Variants in TEAD1 observed in about 807,000 individuals in gnomAD.
TEAD1 encodes the protein TEA domain transcription factor 1, also known as transcriptional enhancer factor TEF-1.
A neutral mutation model predicts 54.9 loss-of-function variants in TEAD1; 9 were observed. That is an observed-to-expected ratio of 0.16 (90% confidence interval 0.10 to 0.29). TEAD1 has a LOEUF of 0.29. Ranked by LOEUF, TEAD1 falls within the 10% of genes least tolerant of loss-of-function variation. The probability of loss-of-function intolerance (pLI) is 1.00; values close to 1 mark genes in which losing one functional copy is unlikely to be tolerated. For missense variants in TEAD1, 387 were observed against 535.9 expected (o/e 0.72, Z 2.74); for synonymous variants, 200 against 187.8 (o/e 1.07, Z -0.53).
chr11:12,756,490 A>G (rs1944985615), intron 2 of TEAD1, among the ~76,000 whole-genome samples: 1 of 152,242 alleles, frequency 6.6e-6, no homozygotes, highest in African/African-American at 2.4e-5. Flanking sequence ...GTAGGAAAAT[A>G]ATAACACAAC....
intron 5 of TEAD1, among the ~76,000 whole-genome samples, chr11:12,871,134 A>G (rs1430886842): frequency 6.6e-6 from 1 of 152,204 alleles, no homozygotes; most frequent in East Asian, 1.9e-4. Flanking sequence ...TGCAGTGTGA[A>G]AGAGGCTTCT....
intron 2 of TEAD1, among the ~76,000 whole-genome samples, chr11:12,695,824 T>C (rs1943568877): frequency 6.6e-6 from 1 of 152,162 alleles, no homozygotes; most frequent in African/African-American, 2.4e-5. Context: ...TTGAGTTCTG[T>C]TTGTGTGTTG....
intron 3 of TEAD1, among the ~76,000 whole-genome samples, chr11:12,843,456 T>C (rs1352219851): frequency 2.6e-5 from 4 of 152,250 alleles, no homozygotes; most frequent in Non-Finnish European, 5.9e-5. Context: ...TATAGTCAGC[T>C]ACGAAGTAAG....
intron 4 of TEAD1, among the ~76,000 whole-genome samples, chr11:12,863,682 C>A (rs575808086): frequency 1.3e-5 from 2 of 152,210 alleles, no homozygotes; most frequent in African/African-American, 4.8e-5. Context: ...ATCTAATCAT[C>A]TACATTCTGA....
In TEAD1 at chr11:12,942,754, GTTC is replaced by G. The variant is rs1214898960; in HGVS notation, c.*5538_*5540del. 6.6e-6 allele frequency: 1 copy of G among 152,172 alleles called. No individual in the cohort carries two copies. The highest frequency in any genetic ancestry group is 6.5e-5 in the Admixed American group (1 of 15,274). The allele number at this position is 152,172 out of a possible 1,614,324, so 9.4% of individuals were successfully genotyped here. On this transcript the variant is annotated 3_prime_UTR_variant, in exon 13 of 13. Coordinates refer to ENST00000527636, the MANE Select transcript of TEAD1 (RefSeq NM_021961.6). ...GAGTTAGGGTCGTTAAAATTGAAGT[GTTC>G]TTCTTAGGGCAAACATGTTGACTCC...
At chr11:12,809,333 T>C (rs1371133904) in intron 3 of TEAD1, among the ~76,000 whole-genome samples, 1 of 152,152 alleles carries the variant, frequency 6.6e-6, no homozygotes, top group Non-Finnish European at 1.5e-5. Context: ...TTATTTCCAC[T>C]CTGCATGGAG....
At chr11:12,865,682 A>G (rs1947602309) in intron 5 of TEAD1, 1 of 152,136 alleles carries the variant, frequency 6.6e-6, no homozygotes, top group African/African-American at 2.4e-5. Flanking sequence ...GGCATTGATA[A>G]TTTTTCATAT....
chr11:12,705,142 G>GCA (rs1943786850), intron 2 of TEAD1, among the ~76,000 whole-genome samples: 1 of 152,212 alleles, frequency 6.6e-6, no homozygotes, highest in Admixed American at 6.5e-5. Context: ...GAGGGATGAG[G>GCA]CAGGAGCTAA....
intron 11 of TEAD1, among the ~76,000 whole-genome samples, chr11:12,928,060 G>A (rs529755393): frequency 6.6e-6 from 1 of 152,246 alleles, no homozygotes; most frequent in Admixed American, 6.5e-5. Flanking sequence ...AGTTACAGCT[G>A]CAATACGTTA....
Position 12,773,022 on chromosome 11 carries a change from T to C in TEAD1, c.202+8588T>C, listed in dbSNP as rs61879858. Among the ~76,000 whole-genome samples, 1,130 of 152,346 alleles carry C rather than the reference T, an allele frequency of 7.4e-3. 9 individuals are homozygous for C. Among genetic ancestry groups the C allele is most frequent in the Non-Finnish European group, 0.012 (847 of 68,038 alleles). ...TTTCAAACATGTTATATAAATGGAA[T>C]CAGACTACATGAACCTTTTGGGATT... On this transcript the variant is annotated intron_variant, in intron 3 of 12. Transcript: ENST00000527636.
intron 2 of TEAD1, among the ~76,000 whole-genome samples, chr11:12,676,388 C>T (rs1943088659): frequency 6.6e-6 from 1 of 152,180 alleles, no homozygotes; most frequent in Admixed American, 6.5e-5. Context: ...GGGCTCCTTT[C>T]TCTGCAGGCT....
At chr11:12,839,067 TA>T (rs1946969336) in intron 3 of TEAD1, among the ~76,000 whole-genome samples, 2 of 152,030 alleles carry the variant, frequency 1.3e-5, no homozygotes, top group Admixed American at 6.5e-5. Context: ...AATTCCCAAA[TA>T]TTCTTTTTTC....
At chr11:12,718,428 G>A (rs1012556875) in intron 2 of TEAD1, among the ~76,000 whole-genome samples, 1 of 152,226 alleles carries the variant, frequency 6.6e-6, no homozygotes, top group Admixed American at 6.5e-5. Context: ...CAGAGGAAAG[G>A]TGTGATTGCT....
intron 2 of TEAD1, among the ~76,000 whole-genome samples, chr11:12,727,403 G>T (rs1277920414): frequency 6.6e-6 from 1 of 152,120 alleles, no homozygotes; most frequent in Non-Finnish European, 1.5e-5. Flanking sequence ...GTGGGCCCTG[G>T]GGCATAGTCT....
At chr11:12,787,465 T>A (rs1383483576) in intron 3 of TEAD1, among the ~76,000 whole-genome samples, 3 of 152,204 alleles carry the variant, frequency 2.0e-5, no homozygotes, top group African/African-American at 7.2e-5. Flanking sequence ...TACCTGGAGC[T>A]TTAGAGCCTT....
intron 3 of TEAD1, among the ~76,000 whole-genome samples, chr11:12,803,908 T>G (rs1013747069): frequency 6.6e-6 from 1 of 152,110 alleles, no homozygotes; most frequent in African/African-American, 2.4e-5. Context: ...TGAAGCAGCG[T>G]TGTGGATTTG....
intron 3 of TEAD1, among the ~76,000 whole-genome samples, chr11:12,797,458 T>C (rs913818326): frequency 2.0e-5 from 3 of 152,198 alleles, no homozygotes; most frequent in Admixed American, 6.5e-5. Flanking sequence ...CCTGGACTTC[T>C]TGACGTTTGT....
chr11:12,809,699 C>T (rs969985834), intron 3 of TEAD1, among the ~76,000 whole-genome samples: 8 of 152,134 alleles, frequency 5.3e-5, no homozygotes, highest in South Asian at 2.1e-4. Context: ...GGGGGCAAAA[C>T]GTAGCGTCCT....
intron 9 of TEAD1, among the ~76,000 whole-genome samples, chr11:12,895,406 T>C (rs535703753): frequency 1.3e-5 from 2 of 152,128 alleles, no homozygotes; most frequent in Non-Finnish European, 2.9e-5. Flanking sequence ...TTGATCCAGG[T>C]AGGGTTTTAC....
Sources: gnomAD v4.1 joint callset for allele counts (sites outside exome capture counted in the v4.1 genomes callset) on GRCh38, gnomAD v4.1.1 for gene constraint, MANE v1.5 for transcripts, NCBI Gene and HGNC (gene_info 2026-07-23, HGNC 2026-07-21) for gene names.